Variants in RPH3A observed in about 807,000 individuals in gnomAD.
RPH3A encodes rabphilin-3A.
RPH3A carries 48 observed loss-of-function variants against 102.2 expected under a neutral mutation model. The ratio of observed to expected loss-of-function variants is 0.47; its 90% CI spans 0.37 to 0.60. The LOEUF is 0.60. Among genes scored for constraint, RPH3A ranks in the 20% least tolerant of loss-of-function variants. The pLI is 0.00. For synonymous variants in RPH3A, 310 were observed against 324.3 expected (o/e 0.96, Z 0.47); for missense variants, 781 against 910.1 (o/e 0.86, Z 1.83).
intron 19 of RPH3A, chr12:112,893,189 G>GA (rs1442398399): frequency 2.0e-5 from 3 of 151,846 alleles, no homozygotes; most frequent in Non-Finnish European, 4.4e-5. Context: ...AGTTATGGGA[G>GA]AAAAAATGGG....
At position 112,896,847 on chromosome 12, in the gene RPH3A, C is replaced by T. The variant is rs2043187092; in HGVS notation, c.*67C>T. 1.9e-6 allele frequency: 3 copies of T among 1,579,580 alleles called. No individual in the cohort carries two copies. Among genetic ancestry groups the T allele is most frequent in the East Asian group, 2.2e-5 (1 of 44,510 alleles). ...CAGCCTGCTCTAGCTGCCCACCGCA[C>T]CCTGATCTCTCTTCTCTATGCCTAC... On this transcript the variant is annotated 3_prime_UTR_variant, in exon 22 of 22. Transcript: ENST00000389385.
chr12:112,858,328 G>A (rs1007023956), intron 5 of RPH3A, among the ~76,000 whole-genome samples: 3 of 150,170 alleles, frequency 2.0e-5, no homozygotes, highest in Non-Finnish European at 1.5e-5. Context: ...AAAGGCGGGC[G>A]GGGGTGAAGT....
rs1434251460 is a variant in RPH3A at position 112,865,640 on chromosome 12, A to G, written c.360+97A>G. 4 of 1,348,172 alleles carry G rather than the reference A, an allele frequency of 3.0e-6. No individual in the cohort carries two copies. In the Admixed American group the frequency reaches 9.5e-5, roughly 32 times the overall value. 83.5% of individuals were successfully genotyped at this position (1,348,172 alleles called of 1,614,324 possible). A position where few individuals can be genotyped will look rare whatever the true frequency, so the allele number is the denominator to read the frequency against. ...AGGGGTCACTGGGTCTTGGGGGTGG[A>G]GCTTGGATCCTGAAGATCACTTGCC... On this transcript the variant is annotated intron_variant, in intron 6 of 21. Transcript: ENST00000389385.
Position 112,671,123 on chromosome 12 carries a change from G to A in RPH3A, c.-140+95804G>A, listed in dbSNP as rs141926855. 1.9e-3 allele frequency among the ~76,000 whole-genome samples: 295 copies of A among 152,344 alleles called. 1 individual carries two copies. The highest frequency in any genetic ancestry group is 6.3e-3 in the African/African-American group (260 of 41,588). ...TGATTAGATTTAAAAGGTAGTGGGT[G>A]ATTGTGTCTGACTTTGAAAAATGAA... On this transcript the variant is annotated intron_variant, in intron 1 of 21. Coordinates refer to the RPH3A transcript ENST00000543106.
chr12:112,579,737 T>C (rs922124047), intron 1 of RPH3A, among the ~76,000 whole-genome samples: 2 of 152,206 alleles, frequency 1.3e-5, no homozygotes, highest in African/African-American at 4.8e-5. Context: ...ATCTTCTTTT[T>C]AATTTTTTTG....
intron 1 of RPH3A, among the ~76,000 whole-genome samples, chr12:112,631,020 A>G (rs2039800135): frequency 1.3e-5 from 2 of 152,120 alleles, no homozygotes; most frequent in Non-Finnish European, 2.9e-5. Context: ...AAAATATTCC[A>G]GGTAGGGGAA....
At chr12:112,869,498 G>A (rs909599618) in intron 8 of RPH3A, 25 of 426,516 alleles carry the variant, frequency 5.9e-5, no homozygotes, top group African/African-American at 4.5e-4. Context: ...CTTCTTCCTA[G>A]TTCTTCTAGG....
chr12:112,791,622 C>T (rs1273645073), upstream of RPH3A: 1 of 152,062 alleles, frequency 6.6e-6, no homozygotes, highest in African/African-American at 2.4e-5. Context: ...TGCGCCCAAC[C>T]TCCCCTCCCG....
chr12:112,808,638 A>T (rs2041513525), intron 2 of RPH3A, among the ~76,000 whole-genome samples: 1 of 152,184 alleles, frequency 6.6e-6, no homozygotes, highest in Non-Finnish European at 1.5e-5. Context: ...GAACCAGAAC[A>T]TTTGGTCTCC....
At chr12:112,732,993 A>G (rs955799462) in intron 1 of RPH3A, among the ~76,000 whole-genome samples, 1 of 152,178 alleles carries the variant, frequency 6.6e-6, no homozygotes, top group Admixed American at 6.5e-5. Flanking sequence ...ACAGTTATCA[A>G]TTTAGTCATT....
At chr12:112,613,356 C>A (rs531191372) in intron 1 of RPH3A, among the ~76,000 whole-genome samples, 2 of 152,020 alleles carry the variant, frequency 1.3e-5, no homozygotes, top group Non-Finnish European at 2.9e-5. Flanking sequence ...GGTGGCCTCG[C>A]GGTTCTAAGA....
chr12:112,818,739 G>A (rs1321998590), intron 2 of RPH3A, among the ~76,000 whole-genome samples: 1 of 152,138 alleles, frequency 6.6e-6, no homozygotes, highest in African/African-American at 2.4e-5. Context: ...GAGAGAGGAT[G>A]TTTTCCCAAA....
At chr12:112,708,801 A>G (rs1168458129) in intron 1 of RPH3A, among the ~76,000 whole-genome samples, 1 of 152,056 alleles carries the variant, frequency 6.6e-6, no homozygotes, top group African/African-American at 2.4e-5. Context: ...TACCAGGTGA[A>G]AGGGATGGCT....
intron 13 of RPH3A, among the ~76,000 whole-genome samples, chr12:112,878,699 G>A (rs1420458994): frequency 6.6e-6 from 1 of 152,246 alleles, no homozygotes; most frequent in African/African-American, 2.4e-5. Context: ...ACGAGAAGGT[G>A]CCAACCATGT....
At chr12:112,616,073 T>A (rs1344826767) in intron 1 of RPH3A, among the ~76,000 whole-genome samples, 1 of 152,150 alleles carries the variant, frequency 6.6e-6, no homozygotes, top group African/African-American at 2.4e-5. Context: ...TCAAAACATA[T>A]CTGTCTGTTG....
Position 112,736,785 on chromosome 12 carries a change from G to A in RPH3A, c.-139-55358G>A, listed in dbSNP as rs376231421. On this transcript the variant is annotated intron_variant, in intron 1 of 21. Transcript: ENST00000543106. The stretch of plus-strand genomic sequence containing the variant: ...TGCAATTTGAGGGTAACCAATGGCA[G>A]GCAGACATGGATAGGTGGACATAGT... Among the ~76,000 whole-genome samples the A allele has an allele frequency of 9.8e-5, 15 of 152,304 alleles. No individual in the cohort carries two copies. In the South Asian group the frequency reaches 3.1e-3, roughly 32 times the overall value.
At chr12:112,621,017 T>A (rs1456190749) in intron 1 of RPH3A, among the ~76,000 whole-genome samples, 4 of 151,802 alleles carry the variant, frequency 2.6e-5, no homozygotes, top group Non-Finnish European at 4.4e-5. Context: ...ATTATTTTTT[T>A]TTTTTTGTAG....
At chr12:112,682,332 G>A (rs982856247) in intron 1 of RPH3A, among the ~76,000 whole-genome samples, 5 of 148,050 alleles carry the variant, frequency 3.4e-5, no homozygotes, top group Admixed American at 2.1e-4. Context: ...AGAAGAGAGC[G>A]AATTTGTCTT....
intron 1 of RPH3A, among the ~76,000 whole-genome samples, chr12:112,678,813 A>G (rs1367990089): frequency 6.6e-6 from 1 of 152,166 alleles, no homozygotes; most frequent in Non-Finnish European, 1.5e-5. Context: ...TATAACTCAC[A>G]GTCTACTGGG....
Sources: gnomAD v4.1 joint callset for allele counts (sites outside exome capture counted in the v4.1 genomes callset) on GRCh38, gnomAD v4.1.1 for gene constraint, MANE v1.5 for transcripts, NCBI Gene and HGNC (gene_info 2026-07-23, HGNC 2026-07-21) for gene names.